SYNGR3: variants seen among roughly 807,000 people sequenced by gnomAD.
SYNGR3 encodes synaptogyrin 3, also known as synaptogyrin-3.
Under a neutral mutation model 18.5 loss-of-function variants are expected in SYNGR3, and 10 were observed. That is an observed-to-expected ratio of 0.54 (90% confidence interval 0.33 to 0.92). The LOEUF is 0.92. Among genes scored for constraint, SYNGR3 ranks in the 40% least tolerant of loss-of-function variants. The probability of loss-of-function intolerance (pLI) is 0.02; values close to 1 mark genes in which losing one functional copy is unlikely to be tolerated. For synonymous variants in SYNGR3, 188 were observed against 157.2 expected, an observed-to-expected ratio of 1.20 and a Z score of -1.47; for missense variants, 335 against 332.8, an observed-to-expected ratio of 1.01 and a Z score of -0.05.
At chr16:1,990,375 C>T in intron 1 of SYNGR3, 174 bp downstream of exon 1, 1 of 434,900 alleles carries the variant, frequency 2.3e-6, no homozygotes, top group South Asian at 3.2e-5. Flanking sequence ...CGTCACCGGG[C>T]AGGGCGCGCC....
At position 1,992,982 on chromosome 16, in the gene SYNGR3, C is replaced by T. The variant is rs144964061; in HGVS notation, c.600C>T (p.Ser200=). The T allele has an allele frequency of 7.4e-6, 12 of 1,611,640 alleles. No individual in the cohort carries two copies. The African/African-American group carries it at 1.3e-4, about 18-fold the overall frequency. Residue 200 remains serine, a synonymous_variant, in exon 4 of 4, where the codon AGC becomes AGT. Transcript: ENST00000248121. ...CCTACCCCGGCTATCCGGTGGGCAG[C>T]GGCGTGGAGGGCACCGAGACCTACC... ...SQAYPGYPVG[S]GVEGTETYQS...
At position 1,992,546 on chromosome 16, in the gene SYNGR3, G is replaced by C. The variant is rs2083609719; in HGVS notation, c.338-90G>C. The stretch of plus-strand genomic sequence containing the variant: ...GGCGAGCCCAGGCGAGGCGCCCCAA[G>C]CCTCGGGCCCACCGACCTTTCCTCC... On this transcript the variant is annotated intron_variant, in intron 2 of 3. Coordinates refer to ENST00000248121, the MANE Select transcript of SYNGR3 (RefSeq NM_004209.6). 6 of 1,471,612 alleles carry C rather than the reference G, an allele frequency of 4.1e-6. 1 individual carries two copies. In the South Asian group the frequency reaches 7.8e-5, roughly 19 times the overall value. The allele number at this position is 1,471,612 out of a possible 1,614,324, so 91.2% of individuals were successfully genotyped here. A position where few individuals can be genotyped will look rare whatever the true frequency, so the allele number is the denominator to read the frequency against.
Position 1,993,205 on chromosome 16 carries a change from C to T in SYNGR3, c.*133C>T, listed in dbSNP as rs1335865964. ...GGTGGCCGCTTTGCGCCATCCGGGG[C>T]CAAGAGGGGGTGGACCCGCGTGTCT... On this transcript the variant is annotated 3_prime_UTR_variant, in exon 4 of 4. Transcript: ENST00000248121. The T allele has an allele frequency of 2.5e-6, 3 of 1,177,516 alleles. No homozygotes were observed. The highest frequency in any genetic ancestry group is 2.4e-5 in the Admixed American group (1 of 41,204). 72.9% of individuals were successfully genotyped at this position (1,177,516 alleles called of 1,614,324 possible). A position where few individuals can be genotyped will look rare whatever the true frequency, so the allele number is the denominator to read the frequency against.
Position 1,992,053 on chromosome 16 carries a change from T to C in SYNGR3, c.179T>C (p.Val60Ala), listed in dbSNP as rs747149361. 1.3e-6 allele frequency: 2 copies of C among 1,576,024 alleles called. No individual in the cohort carries two copies. Among genetic ancestry groups the C allele is most frequent in the African/African-American group, 1.4e-5 (1 of 73,174 alleles). ...NTDSGPELRC[V>A]FNGNAGACRF... ...GACAGCGGCCCCGAGCTGCGCTGCG[T>C]GTTCAACGGGAACGCGGGCGCCTGC... Residue 60 changes from valine (V) to alanine (A), a missense_variant, in exon 2 of 4, where the codon GTG becomes GCG. By Grantham distance (64) the Val-to-Ala change is moderately conservative. Coordinates refer to ENST00000248121, the MANE Select transcript of SYNGR3 (RefSeq NM_004209.6).
Position 1,993,605 on chromosome 16 carries a change from A to C in SYNGR3, c.*533A>C, listed in dbSNP as rs2083616715. On this transcript the variant is annotated 3_prime_UTR_variant, in exon 4 of 4. Transcript: ENST00000248121. ...CTCTCACAGGCTGCTAGAACAGCCCAGCCCTGTCAGTGTTGTGATCATGGT... is the reference window on the plus strand; with the variant it reads ...CTCTCACAGGCTGCTAGAACAGCCCCGCCCTGTCAGTGTTGTGATCATGGT... The C allele has an allele frequency of 2.2e-6, 1 of 456,990 alleles. No homozygotes were observed. The highest frequency in any genetic ancestry group is 2.0e-5 in the African/African-American group (1 of 50,118). The allele number at this position is 456,990 out of a possible 1,614,324, so 28.3% of individuals were successfully genotyped here. A position where few individuals can be genotyped will look rare whatever the true frequency, so the allele number is the denominator to read the frequency against.
Position 1,992,687 on chromosome 16 carries a change from G to A in SYNGR3, c.389G>A (p.Trp130Ter). The change falls in exon 3 of 4, where the codon TGG (tryptophan) becomes TAG (stop). Residue 130 changes from tryptophan (W) to a stop codon, truncating the protein, a stop_gained. Coordinates refer to ENST00000248121, the MANE Select transcript of SYNGR3 (RefSeq NM_004209.6). LOFTEE classifies it high-confidence loss of function. ...GGCTTCTGCTTCCTCACCAATCAGT[G>A]GCAGCGCACGGCGCCAGGGCCGGCC... The part of the protein sequence containing the change: ...FVGFCFLTNQ[W>*]QRTAPGPATT... The A allele has an allele frequency of 1.2e-6, 2 of 1,605,128 alleles. No individual in the cohort carries two copies. Among genetic ancestry groups the A allele is most frequent in the Non-Finnish European group, 1.7e-6 (2 of 1,177,622 alleles).
chr16:1,992,903 G>T lies in SYNGR3; in HGVS notation c.521G>T (p.Gly174Val), dbSNP rs2083612893. The change falls in exon 4 of 4, where the codon GGC becomes GTC. Residue 174 changes from glycine to valine, a missense_variant. By Grantham distance (109) the Gly-to-Val change is moderately radical (BLOSUM62 -3). Transcript: ENST00000248121. ...TVKALQRFRL[G>V]TDMSLFATEQ... ...AAGGCCCTGCAGCGGTTCCGCCTGGGCACCGACATGTCACTCTTCGCCACC... is the reference window on the plus strand; with the variant it reads ...AAGGCCCTGCAGCGGTTCCGCCTGGTCACCGACATGTCACTCTTCGCCACC... 6.2e-7 allele frequency: 1 copy of T among 1,606,086 alleles called. No homozygotes were observed.
chr16:1,991,581 C>A (rs935002664), intron 1 of SYNGR3: 3 of 185,432 alleles, frequency 1.6e-5, no homozygotes, highest in African/African-American at 7.1e-5. Context: ...CGGGCCCACG[C>A]GGTGCAGAGT....
At position 1,992,910 on chromosome 16, in the gene SYNGR3, C is replaced by T; in HGVS notation, c.528C>T (p.Asp176=). 3 of 1,608,200 alleles carry T rather than the reference C, an allele frequency of 1.9e-6. No homozygotes were observed. The highest frequency in any genetic ancestry group is 2.2e-5 in the East Asian group (1 of 44,758). ...KALQRFRLGT[D]MSLFATEQLS... The stretch of plus-strand genomic sequence containing the variant: ...TGCAGCGGTTCCGCCTGGGCACCGA[C>T]ATGTCACTCTTCGCCACCGAACAGC... The change falls in exon 4 of 4, where the codon GAC becomes GAT. Residue 176 remains aspartate, a synonymous_variant. Transcript: ENST00000248121.
rs1233326292 is a variant in SYNGR3, at chr16:1,993,626, A to G, written c.*554A>G. ...GCCCAGCCCTGTCAGTGTTGTGATC[A>G]TGGTCCAGTCTTCGGGTTTCACCTC... On this transcript the variant is annotated 3_prime_UTR_variant, in exon 4 of 4. Transcript: ENST00000248121. 2.2e-6 allele frequency: 1 copy of G among 456,236 alleles called. No homozygotes were observed. The highest frequency in any genetic ancestry group is 4.4e-6 in the Non-Finnish European group (1 of 226,826). 28.3% of individuals were successfully genotyped at this position (456,236 alleles called of 1,614,324 possible).
chr16:1,990,976 C>G (rs1022079836), intron 1 of SYNGR3: 1 of 152,838 alleles, frequency 6.5e-6, no homozygotes, highest in South Asian at 1.9e-4. Context: ...CGTTTTGGTC[C>G]GAGCGCACGT....
At chr16:1,991,936 G>T in intron 1 of SYNGR3, 38 bp from the exon 2 acceptor site, 2 of 1,540,966 alleles carry the variant, frequency 1.3e-6, no homozygotes, top group Admixed American at 1.9e-5. Flanking sequence ...CGCAGAGGTC[G>T]GGTCGCCGCA....
In SYNGR3 at chr16:1,992,780, TGAGTGCGGGGCCCGG is replaced by T. The variant is rs907277868; in HGVS notation, c.480+6_480+20del. The stretch of plus-strand genomic sequence containing the variant: ...AGCTTCTTCTCCATCCTCAGCTGGG[TGAGTGCGGGGCCCGG>T]GAGGGCGGGGCGAAGGGGCGGGCGC... On this transcript the variant is annotated splice_donor_5th_base_variant and intron_variant, in intron 3 of 3. Coordinates refer to ENST00000248121, the MANE Select transcript of SYNGR3 (RefSeq NM_004209.6). The T allele has an allele frequency of 3.9e-6, 6 of 1,550,688 alleles. No homozygotes were observed. Among genetic ancestry groups the T allele is most frequent in the Non-Finnish European group, 5.2e-6 (6 of 1,153,434 alleles).
Position 1,993,347 on chromosome 16 carries a change from G to A in SYNGR3, c.*275G>A. The A allele has an allele frequency of 1.6e-6, 1 of 631,272 alleles. No homozygotes were observed. Among genetic ancestry groups the A allele is most frequent in the Admixed American group, 2.1e-5 (1 of 46,648 alleles). 39.1% of individuals were successfully genotyped at this position (631,272 alleles called of 1,614,324 possible). A position where few individuals can be genotyped will look rare whatever the true frequency, so the allele number is the denominator to read the frequency against. On this transcript the variant is annotated 3_prime_UTR_variant, in exon 4 of 4. Coordinates refer to ENST00000248121, the MANE Select transcript of SYNGR3 (RefSeq NM_004209.6). ...CCCTAGCCTGGAATGGACTGGCCTG[G>A]GGAAGGCTTTCCCCTCTTGGGCCAC...
In SYNGR3 at chr16:1,993,195, C is replaced by T. The variant is rs548901746; in HGVS notation, c.*123C>T. 5 of 1,244,350 alleles carry T rather than the reference C, an allele frequency of 4.0e-6. No individual in the cohort carries two copies. In the East Asian group the frequency reaches 1.0e-4, roughly 25 times the overall value. 77.1% of individuals were successfully genotyped at this position (1,244,350 alleles called of 1,614,324 possible). ...GGACAGAGTAGGTGGCCGCTTTGCG[C>T]CATCCGGGGCCAAGAGGGGGTGGAC... On this transcript the variant is annotated 3_prime_UTR_variant, in exon 4 of 4. Transcript: ENST00000248121.
At chr16:1,992,356 C>A in intron 2 of SYNGR3, 145 bp downstream of exon 2, 1 of 582,074 alleles carries the variant, frequency 1.7e-6, no homozygotes, top group Non-Finnish European at 2.7e-6. Flanking sequence ...TGTCAATGGG[C>A]CTCCCGGGTG....
At chr16:1,990,490 T>C (rs1026768480) in intron 1 of SYNGR3, 1 of 539,130 alleles carries the variant, frequency 1.9e-6, no homozygotes, top group Non-Finnish European at 3.5e-6. Context: ...TTTCAGTCCC[T>C]TTCCGCAGCC....
At position 1,992,321 on chromosome 16, in the gene SYNGR3, G is replaced by A. The variant is rs1490383307; in HGVS notation, c.337+110G>A. 46 of 848,928 alleles carry A rather than the reference G, an allele frequency of 5.4e-5. No homozygotes were observed. In the East Asian group the frequency reaches 1.7e-3, roughly 31 times the overall value. The allele number at this position is 848,928 out of a possible 1,614,324, so 52.6% of individuals were successfully genotyped here. A position where few individuals can be genotyped will look rare whatever the true frequency, so the allele number is the denominator to read the frequency against. On this transcript the variant is annotated intron_variant, in intron 2 of 3. Transcript: ENST00000248121. ...GTTTCCAGCTGGGCGTGGCCGTGACGAGGGGCGGGGACTGAGGCAGGGAGT... is the reference window on the plus strand; with the variant it reads ...GTTTCCAGCTGGGCGTGGCCGTGACAAGGGGCGGGGACTGAGGCAGGGAGT...
intron 2 of SYNGR3, 39 bp from the exon 3 acceptor site, chr16:1,992,597 C>A: frequency 1.3e-6 from 2 of 1,575,904 alleles, no homozygotes; most frequent in Middle Eastern, 2.2e-4. Context: ...CGTGGGCCAC[C>A]GCGTGGAGCG....
Sources: allele counts gnomAD v4.1 joint callset, GRCh38; gene constraint gnomAD v4.1.1; transcripts MANE v1.5; gene names NCBI Gene and HGNC (gene_info 2026-07-23, HGNC 2026-07-21).